The following ZNF470 variants were observed in gnomAD, a reference collection of about 807,000 sequenced individuals.
ZNF470 encodes the protein zinc finger protein 470, also known as chondrogenesis zinc finger protein 1.
ZNF470 carries 13 observed loss-of-function variants against 13.9 expected under a neutral mutation model. That is an observed-to-expected ratio of 0.94 (90% CI 0.61 to 1.49). The LOEUF (loss-of-function observed/expected upper bound fraction) is 1.49, where lower values mean the gene tolerates loss of function less well. Ranked by LOEUF, ZNF470 falls within the 40% of genes most tolerant of loss-of-function variation. ZNF470 has a pLI of 0.00. For synonymous variants in ZNF470, 293 were observed against 282.9 expected, an observed-to-expected ratio of 1.04 and a Z score of -0.36; for missense variants, 929 against 857.3, an observed-to-expected ratio of 1.08 and a Z score of -1.04.
chr19:56,582,553 C>T lies in ZNF470; in HGVS notation c.*3970C>T. The stretch of plus-strand genomic sequence containing the variant: ...TTCTGAATTGTGTTCCCACCAGCAC[C>T]ACCAAATGCTGGCCTCTACCACCAC... On this transcript the variant is annotated 3_prime_UTR_variant, in exon 6 of 6. Coordinates refer to ENST00000330619, the MANE Select transcript of ZNF470 (RefSeq NM_001001668.4). 1.0e-6 allele frequency: 1 copy of T among 985,344 alleles called. No homozygotes were observed. Among genetic ancestry groups the T allele is most frequent in the Non-Finnish European group, 1.2e-6 (1 of 829,880 alleles). 61.0% of individuals were successfully genotyped at this position (985,344 alleles called of 1,614,324 possible).
At position 56,577,363 on chromosome 19, in the gene ZNF470, T is replaced by C; in HGVS notation, c.934T>C (p.Tyr312His). The C allele has an allele frequency of 6.2e-7, 1 of 1,613,694 alleles. No individual in the cohort carries two copies. The highest frequency in any genetic ancestry group is 8.5e-7 in the Non-Finnish European group (1 of 1,179,758). Residue 312 changes from tyrosine to histidine, a missense_variant, in exon 6 of 6, where the codon TAT (tyrosine) becomes CAT (histidine). Transcript: ENST00000330619. ...HQRVHTGEKP[Y>H]QCKQCNKAFS... is the part of the protein sequence containing the mutation. ...GAGAGTTCATACTGGAGAGAAACCT[T>C]ATCAGTGTAAGCAGTGTAATAAAGC...
Position 56,578,475 on chromosome 19 carries a change from T to C in ZNF470, c.2046T>C (p.Cys682=). ...TGERPYECKE[C]GKAFRQSVHL... ...AAAGGCCCTATGAGTGTAAAGAATG[T>C]GGAAAAGCCTTCAGGCAGAGTGTAC... The change falls in exon 6 of 6, where the codon TGT becomes TGC. Residue 682 remains cysteine (C), a synonymous_variant. Transcript: ENST00000330619. 6.2e-7 allele frequency: 1 copy of C among 1,612,400 alleles called. No homozygotes were observed. Among genetic ancestry groups the C allele is most frequent in the Non-Finnish European group, 8.5e-7 (1 of 1,179,158 alleles).
Position 56,567,893 on chromosome 19 carries a change from T to A in ZNF470, c.-304T>A. On this transcript the variant is annotated 5_prime_UTR_variant, in exon 1 of 6. Coordinates refer to ENST00000330619, the MANE Select transcript of ZNF470 (RefSeq NM_001001668.4). ...TGCGTAGAGCCCAGTGTGGGCAAAG[T>A]CCTAGAGCCCGGGGAAGTTGCCCGG... 1 of 983,864 alleles carries A rather than the reference T, an allele frequency of 1.0e-6. No individual in the cohort carries two copies. Among genetic ancestry groups the A allele is most frequent in the Non-Finnish European group, 1.2e-6 (1 of 829,706 alleles). The allele number at this position is 983,864 out of a possible 1,614,324, so 60.9% of individuals were successfully genotyped here. A position where few individuals can be genotyped will look rare whatever the true frequency, so the allele number is the denominator to read the frequency against.
rs745939260 is a variant in ZNF470, at chr19:56,578,124, C to G, written c.1695C>G (p.Tyr565Ter). The G allele has an allele frequency of 6.2e-7, 1 of 1,613,470 alleles. No homozygotes were observed. The highest frequency in any genetic ancestry group is 2.2e-5 in the East Asian group (1 of 44,810). ...GAGTTCATACTGGTGAGAAGCCTTA[C>G]GAATGTATTGAATGTGGGAAGGCCT... Reference protein sequence around the residue: ...HQRVHTGEKPYECIECGKAFS... With the variant: ...HQRVHTGEKP The change falls in exon 6 of 6, where the codon TAC (tyrosine) becomes TAG (stop). Residue 565 changes from tyrosine (Y) to a stop codon, truncating the protein, a stop_gained. Transcript: ENST00000330619. LOFTEE classifies it low-confidence loss of function (END_TRUNC).
Position 56,578,657 on chromosome 19 carries a change from G to T in ZNF470, c.*74G>T. On this transcript the variant is annotated 3_prime_UTR_variant, in exon 6 of 6. Transcript: ENST00000330619. The stretch of plus-strand genomic sequence containing the variant: ...ATGTCCCATCATCATAGTCCAAGAC[G>T]CAACCATCTCATCTGGATTTCTGCA... 6 of 1,361,444 alleles carry T rather than the reference G, an allele frequency of 4.4e-6. No individual in the cohort carries two copies. The South Asian group carries it at 9.2e-5, about 21-fold the overall frequency. The allele number at this position is 1,361,444 out of a possible 1,614,324, so 84.3% of individuals were successfully genotyped here.
intron 5 of ZNF470, 72 bp from the exon 6 acceptor site, chr19:56,576,641 A>AT (rs1487991486): frequency 7.9e-7 from 1 of 1,269,122 alleles, no homozygotes; most frequent in Admixed American, 2.8e-5. Context: ...TGTGATTCAC[A>AT]TTTTCATTTT....
In ZNF470 at chr19:56,581,228, A is replaced by G. The variant is rs2044533172; in HGVS notation, c.*2645A>G. On this transcript the variant is annotated 3_prime_UTR_variant, in exon 6 of 6. Coordinates refer to ENST00000330619, the MANE Select transcript of ZNF470 (RefSeq NM_001001668.4). ...ATGTCCCATTCACAAAAGATGCAAT[A>G]AAAGCAGTTAATGAAAATTATCCAA... is the stretch of plus-strand genomic sequence containing the variant. The G allele has an allele frequency of 1.7e-6, 1 of 593,644 alleles. No individual in the cohort carries two copies. The highest frequency in any genetic ancestry group is 2.1e-6 in the Non-Finnish European group (1 of 472,624). The allele number at this position is 593,644 out of a possible 1,614,324, so 36.8% of individuals were successfully genotyped here.
intron 3 of ZNF470, among the ~76,000 whole-genome samples, chr19:56,572,333 G>A: frequency 2.7e-5 from 1 of 37,606 alleles, no homozygotes; most frequent in Admixed American, 4.2e-4. Flanking sequence ...GTGAAACCCT[G>A]TCTCTACAAA....
rs1436257054 is a variant in ZNF470, at chr19:56,574,068, A to G, written c.61-326A>G. 4 of 511,792 alleles carry G rather than the reference A, an allele frequency of 7.8e-6. No individual in the cohort carries two copies. The East Asian group carries it at 4.5e-4, about 57-fold the overall frequency. 31.7% of individuals were successfully genotyped at this position (511,792 alleles called of 1,614,324 possible). On this transcript the variant is annotated intron_variant, in intron 3 of 5. Coordinates refer to ENST00000330619, the MANE Select transcript of ZNF470 (RefSeq NM_001001668.4). ...GTAGAGAAGTGATTTAGCTCCTAACATGAATAGCATTGCGTTAGCACTTGA... is the reference window on the plus strand; with the variant it reads ...GTAGAGAAGTGATTTAGCTCCTAACGTGAATAGCATTGCGTTAGCACTTGA...
At position 56,581,903 on chromosome 19, in the gene ZNF470, T is replaced by G. The variant is rs574781085; in HGVS notation, c.*3320T>G. The G allele has an allele frequency of 5.1e-6, 5 of 985,452 alleles. No individual in the cohort carries two copies. The African/African-American group carries it at 8.7e-5, about 17-fold the overall frequency. 61.0% of individuals were successfully genotyped at this position (985,452 alleles called of 1,614,324 possible). On this transcript the variant is annotated 3_prime_UTR_variant, in exon 6 of 6. Coordinates refer to ENST00000330619, the MANE Select transcript of ZNF470 (RefSeq NM_001001668.4). ...AAAGCTGATGCAGTTATTCTTTTGA[T>G]TGGTCCTTGGAACCACCCTGGTTTT... is the stretch of plus-strand genomic sequence containing the variant.
chr19:56,570,074 G>A, intron 2 of ZNF470: 1 of 487,456 alleles, frequency 2.1e-6, no homozygotes, highest in East Asian at 3.4e-5. Context: ...AGGGGGTCAA[G>A]AGATATTATG....
chr19:56,581,766 T>G lies in ZNF470; in HGVS notation c.*3183T>G, dbSNP rs1451864034. 4.1e-6 allele frequency: 4 copies of G among 985,350 alleles called. No individual in the cohort carries two copies. The highest frequency in any genetic ancestry group is 4.8e-6 in the Non-Finnish European group (4 of 829,950). The allele number at this position is 985,350 out of a possible 1,614,324, so 61.0% of individuals were successfully genotyped here. Reference sequence around the variant, plus strand: ...TTGGCTGCACTATCTCATCTTTTCCTTTTGAGTAACTGGCCATACCCTACC... The same window carrying G: ...TTGGCTGCACTATCTCATCTTTTCCGTTTGAGTAACTGGCCATACCCTACC... On this transcript the variant is annotated 3_prime_UTR_variant, in exon 6 of 6. Transcript: ENST00000330619.
chr19:56,574,349 G>A (rs779320239), intron 3 of ZNF470, 45 bp from the exon 4 acceptor site: 3 of 1,612,636 alleles, frequency 1.9e-6, no homozygotes, highest in Non-Finnish European at 1.7e-6. Context: ...AGCTGCATTG[G>A]AATGTGAACA....
At position 56,579,643 on chromosome 19, in the gene ZNF470, C is replaced by A; in HGVS notation, c.*1060C>A. On this transcript the variant is annotated 3_prime_UTR_variant, in exon 6 of 6. Coordinates refer to ENST00000330619, the MANE Select transcript of ZNF470 (RefSeq NM_001001668.4). ...AATAAAATGCAATAAGACCTTCCAT[C>A]TTGTTCCATGAGATTGACAAGACAT... 1.0e-6 allele frequency: 1 copy of A among 985,406 alleles called. No individual in the cohort carries two copies. The highest frequency in any genetic ancestry group is 1.2e-6 in the Non-Finnish European group (1 of 829,926). The allele number at this position is 985,406 out of a possible 1,614,324, so 61.0% of individuals were successfully genotyped here.
At position 56,578,431 on chromosome 19, in the gene ZNF470, A is replaced by T. The variant is rs866540664; in HGVS notation, c.2002A>T (p.Lys668Ter). The change falls in exon 6 of 6, where the codon AAG becomes TAG. Residue 668 changes from lysine to a stop codon, truncating the protein, a stop_gained. Coordinates refer to ENST00000330619, the MANE Select transcript of ZNF470 (RefSeq NM_001001668.4). LOFTEE classifies it low-confidence loss of function (END_TRUNC). ...FSQVAHLTLH[K>*]RIHTGERPYE... ...CCAGGTTGCCCATCTTACTCTACAT[A>T]AGAGAATTCATACTGGAGAAAGGCC... The T allele has an allele frequency of 6.2e-7, 1 of 1,612,324 alleles. No homozygotes were observed. The highest frequency in any genetic ancestry group is 2.2e-5 in the East Asian group (1 of 44,872).
At chr19:56,574,583 ATTTCCCATAGT>A in intron 4 of ZNF470, 44 bp from the exon 5 acceptor site, 2 of 1,611,584 alleles carry the variant, frequency 1.2e-6, no homozygotes, top group East Asian at 4.5e-5. Flanking sequence ...CATTATCAGA[ATTTCCCATAGT>A]TTTCCACAGC....
At position 56,580,160 on chromosome 19, in the gene ZNF470, T is replaced by A. The variant is rs2044524746; in HGVS notation, c.*1577T>A. On this transcript the variant is annotated 3_prime_UTR_variant, in exon 6 of 6. Transcript: ENST00000330619. ...CCTTACTATCCCCAGAACATGTTGG[T>A]ATTAGAGGATGAGGGAAGAACTAGA... 3.0e-6 allele frequency: 3 copies of A among 983,668 alleles called. No individual in the cohort carries two copies. In the South Asian group the frequency reaches 1.4e-4, roughly 46 times the overall value. 60.9% of individuals were successfully genotyped at this position (983,668 alleles called of 1,614,324 possible).
intron 3 of ZNF470, among the ~76,000 whole-genome samples, chr19:56,572,732 C>A (rs1475351463): frequency 1.3e-5 from 2 of 151,790 alleles, no homozygotes; most frequent in Admixed American, 6.6e-5. Context: ...ACAAAAAAAT[C>A]TCAAAAACCA....
rs780454953 is a variant in ZNF470 at position 56,576,665 on chromosome 19, A to G, written c.284-48A>G. On this transcript the variant is annotated intron_variant, in intron 5 of 5. Coordinates refer to ENST00000330619, the MANE Select transcript of ZNF470 (RefSeq NM_001001668.4). ...CATTTTCATTTTCGAAATTTCCATT[A>G]TTCTAGCATTTAATAAAGGAGACAT... The G allele has an allele frequency of 5.9e-6, 8 of 1,358,776 alleles. No individual in the cohort carries two copies. The South Asian group carries it at 1.9e-4, about 33-fold the overall frequency. The allele number at this position is 1,358,776 out of a possible 1,614,324, so 84.2% of individuals were successfully genotyped here. A position where few individuals can be genotyped will look rare whatever the true frequency, so the allele number is the denominator to read the frequency against.
Sources: allele counts gnomAD v4.1 joint callset (sites outside exome capture counted in the v4.1 genomes callset), GRCh38; gene constraint gnomAD v4.1.1; transcripts MANE v1.5; gene names NCBI Gene and HGNC (gene_info 2026-07-23, HGNC 2026-07-21).